The following ZNF619 variants were observed in gnomAD, a reference collection of about 807,000 sequenced individuals.
ZNF619 encodes zinc finger protein 619.
In ZNF619, 9 loss-of-function variants were observed where a neutral mutation model predicts 14.2. That is an observed-to-expected ratio of 0.64 (90% confidence interval 0.38 to 1.11). The LOEUF is 1.11. ZNF619 is among the 50% of genes least tolerant of loss of function. The pLI, the probability that ZNF619 is intolerant of heterozygous loss-of-function variation, is 0.01. For missense variants in ZNF619, 659 were observed against 680.1 expected (o/e 0.97, Z 0.34); for synonymous variants, 246 against 252.8 (o/e 0.97, Z 0.26).
intron 2 of ZNF619, among the ~76,000 whole-genome samples, chr3:40,481,131 C>G: frequency 6.6e-6 from 1 of 152,180 alleles, no homozygotes. Flanking sequence ...GTAACTGACA[C>G]AGGACAAAGC....
chr3:40,485,322 A>T (rs1697544416), intron 4 of ZNF619, among the ~76,000 whole-genome samples: 1 of 136,904 alleles, frequency 7.3e-6, no homozygotes, highest in Non-Finnish European at 1.6e-5. Flanking sequence ...TTTTTTTGGA[A>T]ACAGAGTCTT....
intron 4 of ZNF619, 26 bp from the exon 5 acceptor site, chr3:40,486,780 T>A: frequency 6.5e-7 from 1 of 1,538,498 alleles, no homozygotes; most frequent in Non-Finnish European, 8.8e-7. Flanking sequence ...ATAAGGGACT[T>A]TTATGTTTTC....
intron 3 of ZNF619, 150 bp downstream of exon 3, chr3:40,482,166 G>C: frequency 6.5e-7 from 1 of 1,545,944 alleles, no homozygotes; most frequent in Non-Finnish European, 8.7e-7. Flanking sequence ...TAGCTGGATG[G>C]AGAAAGAGCT....
chr3:40,482,371 T>G (rs1697433164), intron 3 of ZNF619: 1 of 1,571,450 alleles, frequency 6.4e-7, no homozygotes, highest in Non-Finnish European at 8.6e-7. Flanking sequence ...AGGGCCCTCG[T>G]GTACACACCC....
chr3:40,487,975 C>T lies in ZNF619; in HGVS notation c.1465C>T (p.Leu489=). The change falls in exon 5 of 5, where the codon CTA becomes TTA. Residue 489 remains leucine (L), a synonymous_variant. Coordinates refer to ENST00000432264, the MANE Select transcript of ZNF619 (RefSeq NM_001145093.4). Reference sequence around the variant, plus strand: ...GAAGAAACTCATCAATGGAACAGGGCTATCCGCAGTTAAGCCCTACTGTCC... The same window carrying T: ...GAAGAAACTCATCAATGGAACAGGGTTATCCGCAGTTAAGCCCTACTGTCC... The part of the protein sequence containing the change: ...TRKKLINGTG[L]SAVKPYCPCA... 1 of 1,614,186 alleles carries T rather than the reference C, an allele frequency of 6.2e-7. No homozygotes were observed. Among genetic ancestry groups the T allele is most frequent in the Non-Finnish European group, 8.5e-7 (1 of 1,180,028 alleles).
At position 40,487,256 on chromosome 3, in the gene ZNF619, G is replaced by A. The variant is rs201349894; in HGVS notation, c.746G>A (p.Arg249Gln). The A allele has an allele frequency of 4.7e-5, 76 of 1,613,964 alleles. No individual in the cohort carries two copies. Among genetic ancestry groups the A allele is most frequent in the Admixed American group, 2.0e-4 (12 of 59,982 alleles). The change falls in exon 5 of 5, where the codon CGG becomes CAG. Residue 249 changes from arginine (R) to glutamine (Q), a missense_variant. Transcript: ENST00000432264. Reference sequence around the variant, plus strand: ...TTCAGATATAACTCAAAACTGTCACGGCATCAGAAAATCCACACTGGAGAG... The same window carrying A: ...TTCAGATATAACTCAAAACTGTCACAGCATCAGAAAATCCACACTGGAGAG... The part of the protein sequence containing the change: ...KTFRYNSKLS[R>Q]HQKIHTGEKP...
intron 2 of ZNF619, 113 bp downstream of exon 2, chr3:40,478,116 A>C: frequency 2.0e-6 from 2 of 1,019,004 alleles, no homozygotes; most frequent in Non-Finnish European, 1.4e-6. Flanking sequence ...CCTTCAATAA[A>C]GTATGTAAAA....
chr3:40,483,730 G>A (rs1345072688), intron 4 of ZNF619: 2 of 419,278 alleles, frequency 4.8e-6, no homozygotes, highest in Non-Finnish European at 4.8e-6. Context: ...CCAGGTACAA[G>A]CGATTCTCCT....
Position 40,487,511 on chromosome 3 carries a change from A to G in ZNF619, c.1001A>G (p.His334Arg), listed in dbSNP as rs1697644451. 1.2e-6 allele frequency: 2 copies of G among 1,614,080 alleles called. No homozygotes were observed. Among genetic ancestry groups the G allele is most frequent in the South Asian group, 2.2e-5 (2 of 91,090 alleles). Reference sequence around the variant, plus strand: ...AGTTGTAGCTATGACTGCATCATCCATGAACGAATTCACAATGGGGAGAAG... The same window carrying G: ...AGTTGTAGCTATGACTGCATCATCCGTGAACGAATTCACAATGGGGAGAAG... ...AFSCSYDCII[H>R]ERIHNGEKPY... The change falls in exon 5 of 5, where the codon CAT becomes CGT. Residue 334 changes from histidine (H) to arginine (R), a missense_variant. By Grantham distance (29) the His-to-Arg change is conservative (BLOSUM62 0). Coordinates refer to ENST00000432264, the MANE Select transcript of ZNF619 (RefSeq NM_001145093.4).
chr3:40,481,747 G>T (rs1488501576), intron 2 of ZNF619, 116 bp from the exon 3 acceptor site: 4 of 1,375,278 alleles, frequency 2.9e-6, no homozygotes, highest in Non-Finnish European at 3.9e-6. Context: ...TGCCCCTGCT[G>T]GGGTCCTGTG....
At position 40,486,995 on chromosome 3, in the gene ZNF619, A is replaced by G. The variant is rs370606846; in HGVS notation, c.485A>G (p.Asp162Gly). Residue 162 changes from aspartate (D) to glycine (G), a missense_variant, in exon 5 of 5, where the codon GAT becomes GGT. Physicochemically the swap from Asp to Gly is moderately conservative, Grantham distance 94. Coordinates refer to ENST00000432264, the MANE Select transcript of ZNF619 (RefSeq NM_001145093.4). ...AAAACAAAGATAGGGGATTGCACAG[A>G]TTTGACAGTCCAGGATCATGAATCT... Reference protein sequence around the residue: ...GNKTKIGDCTDLTVQDHESST... With the variant: ...GNKTKIGDCTGLTVQDHESST... The G allele has an allele frequency of 1.2e-5, 19 of 1,614,104 alleles. No homozygotes were observed. The African/African-American group carries it at 1.5e-4, about 12-fold the overall frequency.
At chr3:40,477,835 A>G in intron 1 of ZNF619, 83 bp from the exon 2 acceptor site, 1 of 703,514 alleles carries the variant, frequency 1.4e-6, no homozygotes, top group South Asian at 1.7e-5. Flanking sequence ...GAATATCTGC[A>G]ATGCTAGTGG....
chr3:40,482,350 G>A (rs1697431631), intron 3 of ZNF619: 1 of 1,557,284 alleles, frequency 6.4e-7, no homozygotes. Context: ...TTGCCTATGT[G>A]TGAGTCCCCT....
At chr3:40,479,706 A>C (rs1238771623) in intron 2 of ZNF619, among the ~76,000 whole-genome samples, 1 of 152,166 alleles carries the variant, frequency 6.6e-6, no homozygotes, top group African/African-American at 2.4e-5. Flanking sequence ...CATCATTTAC[A>C]TTTGGGCCAG....
In ZNF619 at chr3:40,481,952, C is replaced by T. The variant is rs1414600909; in HGVS notation, c.114C>T (p.His38=). 1.4e-5 allele frequency: 23 copies of T among 1,613,666 alleles called. No individual in the cohort carries two copies. The highest frequency in any genetic ancestry group is 1.9e-5 in the Non-Finnish European group (23 of 1,179,822). Residue 38 remains histidine, a synonymous_variant, in exon 3 of 5, where the codon CAC becomes CAT. Coordinates refer to ENST00000432264, the MANE Select transcript of ZNF619 (RefSeq NM_001145093.4). ...CCCAGAATGAATGGGCCAGCCTGCA[C>T]CCTACGCAGAGGGCCCTATACAGGG... ...YFTQNEWASL[H]PTQRALYREV...
At chr3:40,484,194 G>A (rs1372241330) in intron 4 of ZNF619, among the ~76,000 whole-genome samples, 2 of 152,228 alleles carry the variant, frequency 1.3e-5, no homozygotes, top group African/African-American at 4.8e-5. Context: ...CCCAAGTGCT[G>A]GGATTACAGG....
intron 4 of ZNF619, chr3:40,483,643 T>C (rs1279320513): frequency 2.2e-6 from 1 of 451,704 alleles, no homozygotes; most frequent in African/African-American, 2.0e-5. Flanking sequence ...TTGTTTATTT[T>C]TTGAGACAGA....
Position 40,477,270 on chromosome 3 carries a change from C to T in ZNF619, c.-150C>T, listed in dbSNP as rs992972136. The T allele has an allele frequency of 6.5e-6, 1 of 152,700 alleles. No homozygotes were observed. The highest frequency in any genetic ancestry group is 1.5e-5 in the Non-Finnish European group (1 of 68,438). The allele number at this position is 152,700 out of a possible 1,614,324, so 9.5% of individuals were successfully genotyped here. On this transcript the variant is annotated 5_prime_UTR_variant, in exon 1 of 5. Transcript: ENST00000432264. ...AGAGGTCGCCGAGGGGCCCGCGCCG[C>T]CGCCAGAGCCTGGGCCCAGTCCCCA...
In ZNF619 at chr3:40,482,602, C is replaced by T; in HGVS notation, c.193C>T (p.Pro65Ser). The T allele has an allele frequency of 6.2e-7, 1 of 1,614,062 alleles. No homozygotes were observed. The highest frequency in any genetic ancestry group is 8.5e-7 in the Non-Finnish European group (1 of 1,180,028). ...NVTSLSAFPF[P>S]KPDLIFQLEQ... is the part of the protein sequence containing the mutation. The stretch of plus-strand genomic sequence containing the variant: ...TTCTCCTGTAGCAGCATTTCCATTC[C>T]CCAAACCAGATCTGATATTCCAGCT... Residue 65 changes from proline to serine, a missense_variant, in exon 4 of 5, where the codon CCC becomes TCC. Transcript: ENST00000432264.
Sources: gnomAD v4.1 joint callset for allele counts (sites outside exome capture counted in the v4.1 genomes callset) on GRCh38, gnomAD v4.1.1 for gene constraint, MANE v1.5 for transcripts, NCBI Gene and HGNC (gene_info 2026-07-23, HGNC 2026-07-21) for gene names.